RNF38: variants seen among roughly 807,000 people sequenced by gnomAD.
The protein encoded by RNF38 is E3 ubiquitin-protein ligase RNF38.
RNF38 carries 15 observed loss-of-function variants against 67.2 expected under a neutral mutation model. The observed-to-expected ratio is 0.22, with a 90% CI of 0.15 to 0.34. The LOEUF is 0.34. Ranked by LOEUF, RNF38 falls within the 10% of genes least tolerant of loss-of-function variation. RNF38 has a pLI of 1.00. For synonymous variants in RNF38, 220 were observed against 218.8 expected, an observed-to-expected ratio of 1.01 and a Z score of -0.05; for missense variants, 524 against 639.9, an observed-to-expected ratio of 0.82 and a Z score of 1.95.
intron 1 of RNF38, among the ~76,000 whole-genome samples, chr9:36,471,681 T>C (rs1587201845): frequency 6.6e-6 from 1 of 152,212 alleles, no homozygotes; most frequent in Non-Finnish European, 1.5e-5. Flanking sequence ...AAAAGATGTA[T>C]AGTACTAACT....
At chr9:36,442,036 C>T (rs1419886571) in intron 1 of RNF38, among the ~76,000 whole-genome samples, 1 of 152,160 alleles carries the variant, frequency 6.6e-6, no homozygotes, top group Non-Finnish European at 1.5e-5. Context: ...CATTCCCCTA[C>T]ATAGGAACCA....
At chr9:36,378,024 A>G (rs1835908762) in intron 2 of RNF38, among the ~76,000 whole-genome samples, 1 of 152,040 alleles carries the variant, frequency 6.6e-6, no homozygotes, top group Admixed American at 6.5e-5. Context: ...CTTAAAAAAA[A>G]AGGTAAATAA....
intron 2 of RNF38, among the ~76,000 whole-genome samples, chr9:36,406,205 C>T (rs940504452): frequency 1.3e-5 from 2 of 152,218 alleles, no homozygotes; most frequent in African/African-American, 2.4e-5. Flanking sequence ...AGAGGACCAT[C>T]TCCTATTTTA....
intron 9 of RNF38, among the ~76,000 whole-genome samples, chr9:36,345,941 T>TTC (rs1833194875): frequency 6.6e-6 from 1 of 152,200 alleles, no homozygotes; most frequent in African/African-American, 2.4e-5. Flanking sequence ...GAGATGTGAA[T>TTC]ACTTATACCA....
At chr9:36,479,415 G>C (rs1840197251) in intron 1 of RNF38, among the ~76,000 whole-genome samples, 1 of 152,172 alleles carries the variant, frequency 6.6e-6, no homozygotes, top group Non-Finnish European at 1.5e-5. Flanking sequence ...GAATTTACTT[G>C]TAATGACCAG....
intron 1 of RNF38, among the ~76,000 whole-genome samples, chr9:36,466,123 A>C (rs954313721): frequency 4.6e-5 from 7 of 152,228 alleles, no homozygotes; most frequent in Non-Finnish European, 8.8e-5. Flanking sequence ...AATACTATCT[A>C]TTCTAAGTGG....
chr9:36,435,112 C>A (rs1014074716), intron 1 of RNF38, among the ~76,000 whole-genome samples: 5 of 152,148 alleles, frequency 3.3e-5, no homozygotes, highest in African/African-American at 9.7e-5. Flanking sequence ...AAAGTGGGGA[C>A]TGGCGGAGGT....
intron 4 of RNF38, among the ~76,000 whole-genome samples, chr9:36,366,319 A>C (rs951166646): frequency 1.2e-4 from 18 of 152,220 alleles, no homozygotes; most frequent in African/African-American, 4.1e-4. Flanking sequence ...ATGTCATCAA[A>C]TAAAAATAAA....
At chr9:36,388,726 C>A (rs1458749249) in intron 2 of RNF38, among the ~76,000 whole-genome samples, 1 of 151,646 alleles carries the variant, frequency 6.6e-6, no homozygotes, top group Non-Finnish European at 1.5e-5. Context: ...AGAGAGGGTG[C>A]CTTAGAAAAA....
chr9:36,356,509 T>G (rs1209224265), intron 5 of RNF38, 36 bp from the exon 6 acceptor site: 4 of 1,490,866 alleles, frequency 2.7e-6, no homozygotes, highest in Non-Finnish European at 3.6e-6. Flanking sequence ...GTTAAAAATA[T>G]CAGAATATAT....
chr9:36,385,017 A>G (rs1004161901), intron 2 of RNF38, among the ~76,000 whole-genome samples: 23 of 152,204 alleles, frequency 1.5e-4, no homozygotes, highest in African/African-American at 5.3e-4. Context: ...ATCCTCTTAC[A>G]ACTACATGCG....
chr9:36,458,717 ACACT>A (rs1208974072), intron 1 of RNF38, among the ~76,000 whole-genome samples: 2 of 152,198 alleles, frequency 1.3e-5, no homozygotes. Context: ...AAGAGTTGTA[ACACT>A]CACCGCGAGG....
At chr9:36,440,698 T>A (rs1301102602) in intron 1 of RNF38, among the ~76,000 whole-genome samples, 1 of 152,216 alleles carries the variant, frequency 6.6e-6, no homozygotes, top group African/African-American at 2.4e-5. Context: ...ACAGTAATTA[T>A]CCTTGAAAAG....
intron 1 of RNF38, among the ~76,000 whole-genome samples, chr9:36,441,330 AT>A (rs753735428): frequency 0.058 from 8,245 of 142,552 alleles, 578 homozygotes; most frequent in African/African-American, 0.18. Context: ...TAAATTACCA[AT>A]TTTTTTTTTT....
rs1837907758 is a variant in RNF38 at position 36,400,268 on chromosome 9, A to AC, written c.-161dup. 1.5e-6 allele frequency: 2 copies of AC among 1,352,686 alleles called. No homozygotes were observed. Among genetic ancestry groups the AC allele is most frequent in the Admixed American group, 6.3e-5 (2 of 31,510 alleles). 83.8% of individuals were successfully genotyped at this position (1,352,686 alleles called of 1,614,324 possible). ...TCCAGAAACCCACGGAAGCAGAAGG[A>AC]CGCCAGAGAGGACCCTTTCGACCGG... On this transcript the variant is annotated 5_prime_UTR_variant, in exon 1 of 12. Transcript: ENST00000259605.
At chr9:36,380,774 G>A (rs1203946701) in intron 2 of RNF38, among the ~76,000 whole-genome samples, 1 of 152,244 alleles carries the variant, frequency 6.6e-6, no homozygotes, top group Non-Finnish European at 1.5e-5. Context: ...GATTACAGGT[G>A]TTGAGTCATT....
In RNF38 at chr9:36,357,797, G is replaced by A; in HGVS notation, c.716C>T (p.Pro239Leu). 2 of 1,613,750 alleles carry A rather than the reference G, an allele frequency of 1.2e-6. No individual in the cohort carries two copies. The highest frequency in any genetic ancestry group is 1.7e-6 in the Non-Finnish European group (2 of 1,179,812). The change falls in exon 5 of 12, where the codon CCT becomes CTT. Residue 239 changes from proline to leucine, a missense_variant. Around this residue, in one of 2 missense-constraint regions of RNF38, gnomAD observed 461 missense variants for 517.4 expected, o/e 0.89. Transcript: ENST00000259605. ...CSVVFSGQHL[P>L]VCSVPPPMLQ... ...TACTGGAGGAGGCACACTACAGACAGGGAGGTGCTGTCCACTGAAAACCAC... is the reference window on the plus strand; with the variant it reads ...TACTGGAGGAGGCACACTACAGACAAGGAGGTGCTGTCCACTGAAAACCAC...
chr9:36,444,770 A>C, intron 1 of RNF38, among the ~76,000 whole-genome samples: 1 of 152,208 alleles, frequency 6.6e-6, no homozygotes, highest in East Asian at 1.9e-4. Context: ...ACTGCACTCC[A>C]ACCTGGGAGA....
At chr9:36,471,585 A>T (rs958331388) in intron 1 of RNF38, among the ~76,000 whole-genome samples, 3 of 152,184 alleles carry the variant, frequency 2.0e-5, no homozygotes, top group African/African-American at 7.2e-5. Context: ...TGATCGCCTG[A>T]GCCCAGGAGT....
Sources: gnomAD v4.1 joint callset for allele counts (sites outside exome capture counted in the v4.1 genomes callset) on GRCh38, gnomAD v4.1.1 for gene constraint, gnomAD v4.1.1 regional missense constraint, MANE v1.5 for transcripts, NCBI Gene and HGNC (gene_info 2026-07-23, HGNC 2026-07-21) for gene names.